The following LOC400499 variants were observed in gnomAD, a reference collection of about 807,000 sequenced individuals.
chr16:11,450,482 G>A, the LOC400499 span: 3 of 847,610 alleles, frequency 3.5e-6, no homozygotes, highest in African/African-American at 1.7e-5. Context: ...GGCACTGGGA[G>A]GGCCAGACTT....
chr16:11,500,328 C>T, the LOC400499 span, among the ~76,000 whole-genome samples: 1 of 151,838 alleles, frequency 6.6e-6, no homozygotes, highest in South Asian at 2.1e-4. Context: ...GCCAACATGG[C>T]GAAACCCCGT....
the LOC400499 span, among the ~76,000 whole-genome samples, chr16:11,507,477 G>C: frequency 6.6e-6 from 1 of 152,178 alleles, no homozygotes; most frequent in Non-Finnish European, 1.5e-5. Context: ...TCACTTGCTA[G>C]CAGTGTGGCT....
At chr16:11,498,125 C>T in the LOC400499 span, among the ~76,000 whole-genome samples, 1 of 152,124 alleles carries the variant, frequency 6.6e-6, no homozygotes, top group Non-Finnish European at 1.5e-5. Context: ...GATCAAACAC[C>T]AGCTACAAAG....
chr16:11,470,931 G>T, the LOC400499 span, among the ~76,000 whole-genome samples: 1 of 152,220 alleles, frequency 6.6e-6, no homozygotes, highest in African/African-American at 2.4e-5. Flanking sequence ...AAAGGCCCTG[G>T]GGCAGGCATG....
the LOC400499 span, among the ~76,000 whole-genome samples, chr16:11,454,851 G>C: frequency 6.6e-6 from 1 of 152,314 alleles, no homozygotes; most frequent in South Asian, 2.1e-4. Context: ...AAGAAAAAGG[G>C]ATTGTGACCC....
chr16:11,463,331 C>G, the LOC400499 span, among the ~76,000 whole-genome samples: 1 of 150,670 alleles, frequency 6.6e-6, no homozygotes, highest in South Asian at 2.1e-4. Context: ...TATTACCACA[C>G]TGCCACTACT....
At chr16:11,433,328 G>C in the LOC400499 span, among the ~76,000 whole-genome samples, 1 of 152,166 alleles carries the variant, frequency 6.6e-6, no homozygotes, top group African/African-American at 2.4e-5. Flanking sequence ...CAATGCTGAA[G>C]ACAAGGTTAT....
At chr16:11,385,287 C>T in the LOC400499 span, 6 of 1,232,182 alleles carry the variant, frequency 4.9e-6, no homozygotes, top group Non-Finnish European at 6.1e-6. Context: ...GCCTGTCCGA[C>T]TCAGCGTCAG....
the LOC400499 span, chr16:11,460,688 C>A: frequency 6.9e-7 from 1 of 1,453,958 alleles, no homozygotes; most frequent in East Asian, 2.5e-5. Flanking sequence ...AAGGAGGGCC[C>A]GGCCCAGCCT....
At chr16:11,397,059 G>C in the LOC400499 span, among the ~76,000 whole-genome samples, 1 of 152,106 alleles carries the variant, frequency 6.6e-6, no homozygotes, top group Non-Finnish European at 1.5e-5. Flanking sequence ...CCTGACCATA[G>C]ACCATGCATC....
the LOC400499 span, among the ~76,000 whole-genome samples, chr16:11,385,624 A>G: frequency 6.6e-6 from 1 of 152,232 alleles, no homozygotes; most frequent in Non-Finnish European, 1.5e-5. Flanking sequence ...TCTACTGGCA[A>G]TTCAGCCCTA....
At chr16:11,456,205 T>C in the LOC400499 span, among the ~76,000 whole-genome samples, 11 of 151,968 alleles carry the variant, frequency 7.2e-5, no homozygotes, top group Non-Finnish European at 1.3e-4. Context: ...CCACCACACA[T>C]GGCTAATTTT....
chr16:11,487,502 C>A, the LOC400499 span: 1 of 392,632 alleles, frequency 2.5e-6, no homozygotes, highest in South Asian at 1.4e-4. Context: ...CTTCCCACCC[C>A]TCCCTGGCCA....
At chr16:11,411,230 G>C in the LOC400499 span, 1 of 399,462 alleles carries the variant, frequency 2.5e-6, no homozygotes, top group Non-Finnish European at 4.4e-6. Context: ...GAGCCAGGCA[G>C]CTGGGGCACA....
chr16:11,518,615 G>A, the LOC400499 span, among the ~76,000 whole-genome samples: 4 of 152,116 alleles, frequency 2.6e-5, no homozygotes, highest in East Asian at 7.7e-4. Context: ...CCTCCCACCA[G>A]GTAAGAGAAG....
At chr16:11,517,642 G>A in the LOC400499 span, among the ~76,000 whole-genome samples, 51 of 152,190 alleles carry the variant, frequency 3.4e-4, no homozygotes, top group Non-Finnish European at 5.3e-4. Context: ...ATGAGGTCCC[G>A]AGACGGGGGC....
At chr16:11,512,869 C>G in the LOC400499 span, among the ~76,000 whole-genome samples, 1 of 152,168 alleles carries the variant, frequency 6.6e-6, no homozygotes, top group African/African-American at 2.4e-5. Context: ...GCAGACCAAG[C>G]TGGGATCCTA....
At chr16:11,498,667 C>T in the LOC400499 span, among the ~76,000 whole-genome samples, 3 of 151,754 alleles carry the variant, frequency 2.0e-5, no homozygotes, top group African/African-American at 7.3e-5. Flanking sequence ...CTTGCTGACT[C>T]GATGACAGAA....
the LOC400499 span, among the ~76,000 whole-genome samples, chr16:11,413,145 G>A: frequency 6.6e-6 from 1 of 152,230 alleles, no homozygotes; most frequent in South Asian, 2.1e-4. Flanking sequence ...TGCAGCTCAG[G>A]TTGGCAGTGC....
Sources: allele counts gnomAD v4.1 joint callset (sites outside exome capture counted in the v4.1 genomes callset), GRCh38; gene constraint gnomAD v4.1.1; transcripts MANE v1.5.